Variants in ZNF532 observed in about 807,000 individuals in gnomAD.
ZNF532 encodes the protein zinc finger protein 532.
ZNF532 carries 22 observed loss-of-function variants against 89.3 expected under a neutral mutation model. The ratio of observed to expected loss-of-function variants is 0.25; its 90% CI spans 0.18 to 0.35. The LOEUF (loss-of-function observed/expected upper bound fraction) is 0.35. Ranked by LOEUF, ZNF532 falls within the 10% of genes least tolerant of loss-of-function variation. The probability of loss-of-function intolerance (pLI) is 1.00; values close to 1 mark genes in which losing one functional copy is unlikely to be tolerated. For synonymous variants in ZNF532, 606 were observed against 649.6 expected (o/e 0.93, Z 1.02); for missense variants, 1,132 against 1,643.4 (o/e 0.69, Z 5.38).
At chr18:58,875,624 A>G (rs1469938168) in intron 2 of ZNF532, among the ~76,000 whole-genome samples, 3 of 152,204 alleles carry the variant, frequency 2.0e-5, no homozygotes, top group Admixed American at 2.0e-4. Flanking sequence ...GGGAACCAGT[A>G]TTAATCACAG....
At chr18:58,891,420 C>T (rs2058895506) in intron 2 of ZNF532, among the ~76,000 whole-genome samples, 1 of 152,208 alleles carries the variant, frequency 6.6e-6, no homozygotes, top group Non-Finnish European at 1.5e-5. Flanking sequence ...ATCCCAGCTA[C>T]TTGGGTGGCT....
Position 58,983,875 on chromosome 18 carries a change from A to G in ZNF532, c.3412-97A>G, listed in dbSNP as rs116013691. On this transcript the variant is annotated intron_variant, in intron 9 of 9. Coordinates refer to ENST00000591808, the MANE Select transcript of ZNF532 (RefSeq NM_001375912.1). ...CCTAAATCCCAAAGCGTTCAGCACA[A>G]GTTTTCCTGGCAGCTCTAAAGTAAG... is the stretch of plus-strand genomic sequence containing the variant. The G allele has an allele frequency of 2.0e-3, 2,993 of 1,468,716 alleles. 26 individuals carry two copies. The African/African-American group carries it at 0.025, about 12-fold the overall frequency. The allele number at this position is 1,468,716 out of a possible 1,614,324, so 91.0% of individuals were successfully genotyped here. A position where few individuals can be genotyped will look rare whatever the true frequency, so the allele number is the denominator to read the frequency against.
chr18:58,872,077 C>G (rs2057030391), intron 2 of ZNF532, among the ~76,000 whole-genome samples: 1 of 152,192 alleles, frequency 6.6e-6, no homozygotes, highest in Non-Finnish European at 1.5e-5. Context: ...TCTGTTTAAT[C>G]TAAATCTGGA....
chr18:58,913,123 GAGA>G lies in ZNF532; in HGVS notation c.-17-5145_-17-5143del, dbSNP rs536265750. On this transcript the variant is annotated intron_variant, in intron 2 of 9. Transcript: ENST00000591808. ...GCAGAAGATCAGTTGGAAGAGAAGA[GAGA>G]AGGTTTTTTTTCTTTTCTTTGGTGG... 2.2e-3 allele frequency among the ~76,000 whole-genome samples: 328 copies of G among 152,078 alleles called. 2 individuals carry two copies. Among genetic ancestry groups the G allele is most frequent in the African/African-American group, 7.6e-3 (316 of 41,344 alleles).
Position 58,918,597 on chromosome 18 carries a change from A to G in ZNF532, c.310A>G (p.Lys104Glu). 6.2e-7 allele frequency: 1 copy of G among 1,614,236 alleles called. No homozygotes were observed. The highest frequency in any genetic ancestry group is 1.6e-4 in the Middle Eastern group (1 of 6,062). ...AGCATCCTCCCTTGACAGTTACAGT[A>G]AAGATGGAGCAAAGTCCTTGAAAGG... ...LTASSLDSYS[K>E]DGAKSLKGDV... The change falls in exon 3 of 10, where the codon AAA becomes GAA. Residue 104 changes from lysine to glutamate, a missense_variant. Transcript: ENST00000591808.
intron 9 of ZNF532, among the ~76,000 whole-genome samples, chr18:58,982,418 C>T (rs144617351): frequency 0.012 from 1,797 of 151,998 alleles, 12 homozygotes; most frequent in Middle Eastern, 0.02. Flanking sequence ...GCTAGGAGTT[C>T]GAGACCAGCC....
At chr18:58,954,886 AAT>A (rs1486024155) in intron 7 of ZNF532, among the ~76,000 whole-genome samples, 1 of 151,734 alleles carries the variant, frequency 6.6e-6, no homozygotes, top group Admixed American at 6.6e-5. Context: ...CTAATTTTTA[AAT>A]ATTTTTAGTA....
intron 7 of ZNF532, among the ~76,000 whole-genome samples, chr18:58,966,853 C>A (rs1465160421): frequency 6.6e-6 from 1 of 150,766 alleles, no homozygotes; most frequent in Admixed American, 6.6e-5. Flanking sequence ...TGTAAACTCA[C>A]CCGAGGTTGC....
intron 2 of ZNF532, among the ~76,000 whole-genome samples, chr18:58,904,312 A>G (rs1298190331): frequency 6.6e-6 from 1 of 151,928 alleles, no homozygotes; most frequent in Admixed American, 6.6e-5. Flanking sequence ...AGATCACGCC[A>G]CTGCATGCCA....
intron 5 of ZNF532, among the ~76,000 whole-genome samples, chr18:58,946,853 C>G (rs559385895): frequency 6.6e-6 from 1 of 151,838 alleles, no homozygotes; most frequent in Admixed American, 6.6e-5. Context: ...ATAAATCTTA[C>G]GGGGAAAAAG....
At chr18:58,949,784 A>G (rs948786691) in intron 6 of ZNF532, among the ~76,000 whole-genome samples, 2 of 152,224 alleles carry the variant, frequency 1.3e-5, no homozygotes, top group African/African-American at 4.8e-5. Context: ...AATCCTTGAC[A>G]TTTCCTGTAT....
chr18:58,931,448 A>ACT (rs1321271950), intron 3 of ZNF532, among the ~76,000 whole-genome samples: 1 of 152,134 alleles, frequency 6.6e-6, no homozygotes, highest in Non-Finnish European at 1.5e-5. Flanking sequence ...AATGGAAGAT[A>ACT]CTCCTTTGTG....
intron 5 of ZNF532, among the ~76,000 whole-genome samples, chr18:58,942,306 G>A (rs760960251): frequency 3.1e-5 from 4 of 127,084 alleles, no homozygotes; most frequent in Admixed American, 7.9e-5. Flanking sequence ...ACAGGCGTGA[G>A]CCACCGCGCC....
intron 3 of ZNF532, among the ~76,000 whole-genome samples, chr18:58,927,444 G>A (rs1341742011): frequency 6.6e-6 from 1 of 151,742 alleles, no homozygotes; most frequent in Non-Finnish European, 1.5e-5. Flanking sequence ...GGCTTTTCTT[G>A]GGAATTTTTT....
In ZNF532 at chr18:58,985,221, G is replaced by C; in HGVS notation, c.*755G>C. 1 of 152,236 alleles carries C rather than the reference G, an allele frequency of 6.6e-6. No homozygotes were observed. The highest frequency in any genetic ancestry group is 1.5e-5 in the Non-Finnish European group (1 of 68,042). 9.4% of individuals were successfully genotyped at this position (152,236 alleles called of 1,614,324 possible). A position where few individuals can be genotyped will look rare whatever the true frequency, so the allele number is the denominator to read the frequency against. ...AAAAATGGGATTTGTTTTCTCGGCA[G>C]ATCTGCAAGGCTGGCTTTAAGAGCA... On this transcript the variant is annotated 3_prime_UTR_variant, in exon 10 of 10. Coordinates refer to ENST00000591808, the MANE Select transcript of ZNF532 (RefSeq NM_001375912.1).
chr18:58,949,516 A>G (rs1471681812), intron 6 of ZNF532, among the ~76,000 whole-genome samples: 1 of 152,174 alleles, frequency 6.6e-6, no homozygotes, highest in Non-Finnish European at 1.5e-5. Context: ...TCTCTACTAA[A>G]AATACAAAAA....
intron 2 of ZNF532, among the ~76,000 whole-genome samples, chr18:58,878,052 C>T (rs914787148): frequency 1.3e-5 from 2 of 151,968 alleles, no homozygotes; most frequent in African/African-American, 2.4e-5. Context: ...GTCAGGAGTT[C>T]GAGACCAGTC....
chr18:58,947,955 T>C, intron 5 of ZNF532, 112 bp from the exon 6 acceptor site: 1 of 961,000 alleles, frequency 1.0e-6, no homozygotes, highest in East Asian at 2.6e-5. Flanking sequence ...ATTTATTGTG[T>C]TTGTGTGTTC....
intron 3 of ZNF532, among the ~76,000 whole-genome samples, chr18:58,923,916 G>C (rs1182118632): frequency 6.6e-6 from 1 of 152,096 alleles, no homozygotes; most frequent in Non-Finnish European, 1.5e-5. Flanking sequence ...GAGTGCAGTG[G>C]CATGATCTCG....
Sources: allele counts gnomAD v4.1 joint callset (sites outside exome capture counted in the v4.1 genomes callset), GRCh38; gene constraint gnomAD v4.1.1; transcripts MANE v1.5; gene names NCBI Gene and HGNC (gene_info 2026-07-23, HGNC 2026-07-21).